The following ZNF831 variants were observed in gnomAD, a reference collection of about 807,000 sequenced individuals.
The protein encoded by ZNF831 is zinc finger protein 831, also known as chromosome 20 open reading frame 174.
Under a neutral mutation model 95.8 loss-of-function variants are expected in ZNF831, and 59 were observed. That is an observed-to-expected ratio of 0.62 (90% CI 0.50 to 0.77). The LOEUF (loss-of-function observed/expected upper bound fraction) is 0.77. Among genes scored for constraint, ZNF831 ranks in the 30% least tolerant of loss-of-function variants. ZNF831 has a pLI of 0.00. For missense variants in ZNF831, 2,205 were observed against 2,164.0 expected (o/e 1.02, Z -0.38); for synonymous variants, 961 against 925.5 (o/e 1.04, Z -0.70).
rs539496532 is a variant in ZNF831, at chr20:59,142,531, A to G, written c.-1424-3700A>G. Among the ~76,000 whole-genome samples, 191 of 152,346 alleles carry G rather than the reference A, an allele frequency of 1.3e-3. 1 individual carries two copies. In the Middle Eastern group the frequency reaches 0.014, roughly 11 times the overall value. The stretch of plus-strand genomic sequence containing the variant: ...CCGTGGAAGAGCACAAGATGACGTT[A>G]GGGTGCGCAGAACCTGGGATTAAAT... On this transcript the variant is annotated intron_variant, in intron 1 of 7. Coordinates refer to the ZNF831 transcript ENST00000637017.
At chr20:59,232,011 C>T (rs79163971) in intron 4 of ZNF831, among the ~76,000 whole-genome samples, 1 of 152,166 alleles carries the variant, frequency 6.6e-6, no homozygotes. Flanking sequence ...TGTTCCTTCC[C>T]AGTGGACCCC....
intron 4 of ZNF831, among the ~76,000 whole-genome samples, chr20:59,215,663 T>G (rs966122425): frequency 6.6e-6 from 1 of 152,218 alleles, no homozygotes; most frequent in African/African-American, 2.4e-5. Flanking sequence ...GGATCAGCAC[T>G]GAGGCCTAAA....
rs2146566203 is a variant in ZNF831 at position 59,192,479 on chromosome 20, C to T, written c.1460C>T (p.Ser487Phe). The T allele has an allele frequency of 6.3e-7, 1 of 1,583,752 alleles. No homozygotes were observed. The highest frequency in any genetic ancestry group is 1.3e-5 in the African/African-American group (1 of 74,284). ...PDKSRPLFFH[S>F]VPTQLSTTVE... ...AAGTCTCGGCCCCTCTTCTTCCACT[C>T]CGTCCCCACTCAGCTCTCCACCACC... The change falls in exon 2 of 6, where the codon TCC becomes TTC. Residue 487 changes from serine to phenylalanine, a missense_variant. Coordinates refer to ENST00000371030, the MANE Select transcript of ZNF831 (RefSeq NM_178457.3). This position sits in a 1 kb window ranked among gnomAD's most constrained non-coding sequence, Gnocchi z 5.2.
chr20:59,185,731 G>A (rs1034340325), intron 1 of ZNF831, among the ~76,000 whole-genome samples: 1 of 152,160 alleles, frequency 6.6e-6, no homozygotes, highest in African/African-American at 2.4e-5. Context: ...CTGGGGAATG[G>A]AGCAGGAATT....
intron 1 of ZNF831, among the ~76,000 whole-genome samples, chr20:59,135,812 G>T (rs927139298): frequency 6.6e-6 from 1 of 152,156 alleles, no homozygotes; most frequent in East Asian, 1.9e-4. Context: ...AAGTAATTGC[G>T]GTTTTTGCCA....
intron 4 of ZNF831, among the ~76,000 whole-genome samples, chr20:59,223,246 T>C (rs867103863): frequency 1.3e-5 from 2 of 152,036 alleles, no homozygotes; most frequent in Non-Finnish European, 2.9e-5. Flanking sequence ...GTGCTCTCTG[T>C]CCGCAGGGAT....
In ZNF831 at chr20:59,209,766, GCTATTTC is replaced by G. The variant is rs1276761397; in HGVS notation, c.4027+2713_4027+2719del. The stretch of plus-strand genomic sequence containing the variant: ...CCTCTTTTGGCTTCTGGGGCCTCCA[GCTATTTC>G]CTGCTATTTCCTTGGTTTGTTGCCT... On this transcript the variant is annotated intron_variant, in intron 4 of 5. Coordinates refer to ENST00000371030, the MANE Select transcript of ZNF831 (RefSeq NM_178457.3). 1.8e-4 allele frequency among the ~76,000 whole-genome samples: 13 copies of G among 71,472 alleles called. No homozygotes were observed. In the East Asian group the frequency reaches 2.8e-3, roughly 16 times the overall value. The allele number at this position is 71,472 out of a possible 152,430, so 46.9% of individuals were successfully genotyped here. A position where few individuals can be genotyped will look rare whatever the true frequency, so the allele number is the denominator to read the frequency against.
upstream of ZNF831, among the ~76,000 whole-genome samples, chr20:59,161,278 T>A (rs566794220): frequency 0.021 from 2,428 of 116,970 alleles, 66 homozygotes; most frequent in African/African-American, 0.077. Flanking sequence ...CTGTCTTTGT[T>A]TTTTTTTGTT....
At chr20:59,143,193 C>A (rs1177705606) in intron 1 of ZNF831, among the ~76,000 whole-genome samples, 1 of 152,228 alleles carries the variant, frequency 6.6e-6, no homozygotes, top group Non-Finnish European at 1.5e-5. Context: ...GCCACTGCAC[C>A]TGGCCCTGCT....
chr20:59,174,856 C>T (rs1399537765), intron 1 of ZNF831, among the ~76,000 whole-genome samples: 1 of 152,114 alleles, frequency 6.6e-6, no homozygotes, highest in Non-Finnish European at 1.5e-5. Context: ...CCTGATGTTC[C>T]AAGTTTCTCT....
chr20:59,131,259 G>A (rs778709108), intron 1 of ZNF831, among the ~76,000 whole-genome samples: 11 of 152,162 alleles, frequency 7.2e-5, no homozygotes, highest in Non-Finnish European at 8.8e-5. Context: ...CACCATTTCT[G>A]TACTTCACGT....
Position 59,191,764 on chromosome 20 carries a change from G to C in ZNF831, c.745G>C (p.Gly249Arg). Residue 249 changes from glycine to arginine, a missense_variant, in exon 2 of 6, where the codon GGT becomes CGT. Physicochemically the swap from Gly to Arg is moderately radical, Grantham distance 125. Coordinates refer to ENST00000371030, the MANE Select transcript of ZNF831 (RefSeq NM_178457.3). ...EGASERPLSP[G>R]AHVPLLAKNL... ...CGCCTCGGAGAGACCCCTTTCTCCGGGTGCCCACGTGCCCCTACTTGCCAA... is the reference window on the plus strand; with the variant it reads ...CGCCTCGGAGAGACCCCTTTCTCCGCGTGCCCACGTGCCCCTACTTGCCAA... 2 of 1,609,668 alleles carry C rather than the reference G, an allele frequency of 1.2e-6. No homozygotes were observed. The highest frequency in any genetic ancestry group is 1.7e-6 in the Non-Finnish European group (2 of 1,177,928).
At chr20:59,248,466 G>A (rs1168102130) in intron 4 of ZNF831, among the ~76,000 whole-genome samples, 1 of 152,198 alleles carries the variant, frequency 6.6e-6, no homozygotes, top group Non-Finnish European at 1.5e-5. Flanking sequence ...TCTGTAGACT[G>A]CAGGGTCAAA....
At chr20:59,242,621 T>C (rs766312478) in intron 4 of ZNF831, among the ~76,000 whole-genome samples, 25 of 152,306 alleles carry the variant, frequency 1.6e-4, no homozygotes, top group Non-Finnish European at 3.1e-4. Flanking sequence ...ATAAGAGAAA[T>C]GAGTACCACT....
At chr20:59,143,478 A>G (rs1355437938) in intron 1 of ZNF831, among the ~76,000 whole-genome samples, 2 of 152,164 alleles carry the variant, frequency 1.3e-5, no homozygotes, top group East Asian at 3.8e-4. Flanking sequence ...TTCTTCACAC[A>G]AGCCTCTCTC....
At chr20:59,125,390 GC>G (rs1979140454) in intron 1 of ZNF831, among the ~76,000 whole-genome samples, 1 of 152,172 alleles carries the variant, frequency 6.6e-6, no homozygotes, top group Non-Finnish European at 1.5e-5. Flanking sequence ...CCTCCAAGTG[GC>G]CCCAGCATCA....
chr20:59,243,157 A>G (rs182489592), intron 4 of ZNF831, among the ~76,000 whole-genome samples: 7 of 152,324 alleles, frequency 4.6e-5, no homozygotes, highest in East Asian at 3.9e-4. Flanking sequence ...TCTTAATGGA[A>G]TCTTTTCTTT....
chr20:59,247,515 A>G (rs1987675920), intron 4 of ZNF831, among the ~76,000 whole-genome samples: 1 of 152,224 alleles, frequency 6.6e-6, no homozygotes. Context: ...AAACAGGCTT[A>G]AAAATATTTG....
rs373214471 is a variant in ZNF831 at position 59,254,409 on chromosome 20, T to C, written c.4700T>C (p.Leu1567Pro). 6.2e-7 allele frequency: 1 copy of C among 1,614,226 alleles called. No individual in the cohort carries two copies. Among genetic ancestry groups the C allele is most frequent in the Non-Finnish European group, 8.5e-7 (1 of 1,180,040 alleles). Residue 1567 changes from leucine to proline, a missense_variant, in exon 6 of 6, where the codon CTT becomes CCT. Transcript: ENST00000371030. The surrounding 1 kb of genome is among the most constrained non-coding windows in gnomAD (Gnocchi z 4.5). ...VPLESTEKTH[L>P]EIPASGPSSA... ...CTGGAGTCAACTGAAAAAACTCATC[T>C]TGAAATACCAGCTTCAGGACCAAGT... is the stretch of plus-strand genomic sequence containing the variant.
Sources: allele counts gnomAD v4.1 joint callset (sites outside exome capture counted in the v4.1 genomes callset), GRCh38; gene constraint gnomAD v4.1.1; non-coding constraint Gnocchi (gnomAD v3.1); transcripts MANE v1.5; gene names NCBI Gene and HGNC (gene_info 2026-07-23, HGNC 2026-07-21).